The following PROSER1 variants were observed in gnomAD, a reference collection of about 807,000 sequenced individuals.
PROSER1 encodes the protein proline and serine rich 1.
A neutral mutation model predicts 71.8 loss-of-function variants in PROSER1; 36 were observed. The ratio of observed to expected loss-of-function variants is 0.50; its 90% CI spans 0.38 to 0.66. PROSER1 has a LOEUF of 0.66. Ranked by LOEUF, PROSER1 falls within the 30% of genes least tolerant of loss-of-function variation. The probability of loss-of-function intolerance (pLI) is 0.00; values close to 1 mark genes in which losing one functional copy is unlikely to be tolerated. For missense variants in PROSER1, 1,107 were observed against 1,135.0 expected (o/e 0.98, Z 0.35); for synonymous variants, 490 against 452.4 (o/e 1.08, Z -1.06).
chr13:39,023,353 G>A, intron 7 of PROSER1: 1 of 447,830 alleles, frequency 2.2e-6, no homozygotes, highest in Non-Finnish European at 4.0e-6. Context: ...CATAGAGGTG[G>A]CCAGAGATTT....
At chr13:39,017,708 C>A in intron 9 of PROSER1, 164 bp from the exon 10 acceptor site, 1 of 544,788 alleles carries the variant, frequency 1.8e-6, no homozygotes, top group Non-Finnish European at 3.2e-6. Context: ...ATAGTAGTAA[C>A]TCTACTATTA....
At chr13:39,024,109 C>T (rs149586125) in intron 7 of PROSER1, among the ~76,000 whole-genome samples, 121 of 152,262 alleles carry the variant, frequency 7.9e-4, no homozygotes, top group African/African-American at 2.6e-3. Context: ...TAATCACTAT[C>T]TTGTAAATAC....
intron 1 of PROSER1, 101 bp downstream of exon 1, chr13:39,037,097 C>G (rs1470820001): frequency 1.1e-6 from 1 of 891,750 alleles, no homozygotes; most frequent in African/African-American, 1.6e-5. Context: ...TTTGGCAATC[C>G]TAGGACCCTT....
At chr13:39,023,169 C>T in intron 7 of PROSER1, 39 bp from the exon 8 acceptor site, 2 of 1,495,062 alleles carry the variant, frequency 1.3e-6, no homozygotes, top group African/African-American at 1.4e-5. Context: ...AGAAGAAAAT[C>T]AAGTAAGCTG....
chr13:39,019,906 T>A (rs550623586), intron 9 of PROSER1, among the ~76,000 whole-genome samples: 1 of 151,682 alleles, frequency 6.6e-6, no homozygotes, highest in East Asian at 1.9e-4. Context: ...AATAAAATCA[T>A]AGGGGAAAAA....
At chr13:39,024,672 G>T in intron 6 of PROSER1, 116 bp from the exon 7 acceptor site, 1 of 720,922 alleles carries the variant, frequency 1.4e-6, no homozygotes, top group Non-Finnish European at 2.3e-6. Context: ...AGAGTGTAAA[G>T]ACTTGCATTC....
chr13:39,015,001 G>A lies in PROSER1; in HGVS notation c.776-525C>T, dbSNP rs146957545. Reference sequence around the variant, plus strand: ...GATTGTTCATCTGTACAGTTGCCCCGCCCCACCCCCATACATTTGCTCATA... The same window carrying A: ...GATTGTTCATCTGTACAGTTGCCCCACCCCACCCCCATACATTTGCTCATA... On this transcript the variant is annotated intron_variant, in intron 10 of 12. Transcript: ENST00000352251. Among the ~76,000 whole-genome samples the A allele has an allele frequency of 9.2e-3, 1,401 of 151,928 alleles. 15 individuals are homozygous for A. The highest frequency in any genetic ancestry group is 0.071 in the Middle Eastern group (21 of 294).
At position 39,026,387 on chromosome 13, in the gene PROSER1, C is replaced by T. The variant is rs903191493; in HGVS notation, c.370G>A (p.Ala124Thr). The change falls in exon 6 of 13, where the codon GCT becomes ACT. Residue 124 changes from alanine (A) to threonine (T), a missense_variant and splice_region_variant. Ala to Thr is a moderately conservative substitution (Grantham distance 58). Transcript: ENST00000352251. ...GGAGCTTTGCAGCCCCCCTTGAAAG[C>T]CTGTAATATAAGAAAGAAGAGGGGT... is the stretch of plus-strand genomic sequence containing the variant. ...KKRCKRILEQ[A>T]FKGGCKAPHA... The T allele has an allele frequency of 3.8e-6, 6 of 1,597,730 alleles. No homozygotes were observed. The highest frequency in any genetic ancestry group is 5.1e-6 in the Non-Finnish European group (6 of 1,171,190).
intron 8 of PROSER1, 70 bp downstream of exon 8, chr13:39,022,982 G>C (rs1290275294): frequency 1.5e-6 from 2 of 1,310,564 alleles, no homozygotes; most frequent in African/African-American, 1.5e-5. Flanking sequence ...ACATAGACCA[G>C]CATTTACTTT....
In PROSER1 at chr13:39,013,832, C is replaced by A. The variant is rs1869842621; in HGVS notation, c.1420G>T (p.Gly474Cys). 1 of 1,614,172 alleles carries A rather than the reference C, an allele frequency of 6.2e-7. No individual in the cohort carries two copies. The highest frequency in any genetic ancestry group is 1.1e-5 in the South Asian group (1 of 91,084). Reference protein sequence around the residue: ...VNSPLLSALKGFLTSNDTNLI... With the variant: ...VNSPLLSALKCFLTSNDTNLI... The stretch of plus-strand genomic sequence containing the variant: ...TTGGTGTCATTGGATGTCAGAAAAC[C>A]TTTTAACGCAGACAAAAGAGGACTG... Residue 474 changes from glycine (G) to cysteine (C), a missense_variant, in exon 11 of 13, where the codon GGT becomes TGT. Physicochemically the swap from Gly to Cys is radical, Grantham distance 159. Coordinates refer to ENST00000352251, the MANE Select transcript of PROSER1 (RefSeq NM_025138.5).
intron 9 of PROSER1, 156 bp from the exon 10 acceptor site, chr13:39,017,700 A>C (rs995487147): frequency 9.0e-6 from 5 of 553,026 alleles, no homozygotes; most frequent in Non-Finnish European, 1.3e-5. Flanking sequence ...AAATAAAAAT[A>C]GTAGTAACTC....
Position 39,013,440 on chromosome 13 carries a change from A to AG in PROSER1, c.1811dup (p.Val605CysfsTer6), listed in dbSNP as rs755920525. On this transcript the variant is annotated frameshift_variant, in exon 11 of 13. Transcript: ENST00000352251. LOFTEE classifies it high-confidence loss of function. ...TTGTGGGCTCAGTTTTGATCATAAC[A>AG]GGAAGAGTTGTTGCAGCAGGGGTAG... is the stretch of plus-strand genomic sequence containing the variant. 1 of 1,614,030 alleles carries AG rather than the reference A, an allele frequency of 6.2e-7. No individual in the cohort carries two copies. The highest frequency in any genetic ancestry group is 1.3e-5 in the African/African-American group (1 of 74,914).
chr13:39,026,878 A>C, intron 5 of PROSER1, among the ~76,000 whole-genome samples: 1 of 152,168 alleles, frequency 6.6e-6, no homozygotes, highest in Non-Finnish European at 1.5e-5. Context: ...AACTTAGACA[A>C]TGTTCAACAT....
chr13:39,018,515 C>CACA (rs1344187233), intron 9 of PROSER1, among the ~76,000 whole-genome samples: 4 of 150,922 alleles, frequency 2.7e-5, no homozygotes, highest in Non-Finnish European at 5.9e-5. Flanking sequence ...CACACACACA[C>CACA]ACTACTGGGA....
In PROSER1 at chr13:39,013,374, C is replaced by A. The variant is rs748900317; in HGVS notation, c.1878G>T (p.Gly626=). 3.7e-6 allele frequency: 6 copies of A among 1,614,110 alleles called. No individual in the cohort carries two copies. The highest frequency in any genetic ancestry group is 5.1e-6 in the Non-Finnish European group (6 of 1,180,038). Residue 626 remains glycine (G), a synonymous_variant, in exon 11 of 13, where the codon GGG becomes GGT. Coordinates refer to ENST00000352251, the MANE Select transcript of PROSER1 (RefSeq NM_025138.5). ...AACCTAAAGTGCCATGAGAGGGATT[C>A]CCAGAATGAGATGGACCTTTGAAGG... The part of the protein sequence containing the change: ...PSAFKGPSHS[G]NPSHGTLGLS...
intron 3 of PROSER1, 68 bp downstream of exon 3, chr13:39,031,495 T>G: frequency 8.7e-7 from 1 of 1,143,786 alleles, no homozygotes. Context: ...CTGAAATAAA[T>G]TACACACAAC....
chr13:39,011,058 A>G lies in PROSER1; in HGVS notation c.*307T>C, dbSNP rs77113641. 3.9e-6 allele frequency: 1 copy of G among 258,796 alleles called. No individual in the cohort carries two copies. Among genetic ancestry groups the G allele is most frequent in the South Asian group, 5.1e-5 (1 of 19,704 alleles). The allele number at this position is 258,796 out of a possible 1,614,324, so 16.0% of individuals were successfully genotyped here. A position where few individuals can be genotyped will look rare whatever the true frequency, so the allele number is the denominator to read the frequency against. On this transcript the variant is annotated 3_prime_UTR_variant, in exon 13 of 13. Transcript: ENST00000352251. Reference sequence around the variant, plus strand: ...GCTGTATTCGGCTATAAAGAGTTCAACCTACTCTTTAATATTCTTTCTATG... The same window carrying G: ...GCTGTATTCGGCTATAAAGAGTTCAGCCTACTCTTTAATATTCTTTCTATG...
intron 1 of PROSER1, among the ~76,000 whole-genome samples, chr13:39,036,734 C>G (rs1212284370): frequency 1.3e-5 from 2 of 152,134 alleles, no homozygotes; most frequent in Admixed American, 1.3e-4. Context: ...CATCAGGACA[C>G]GAATTTTGCA....
At chr13:39,022,195 C>A (rs1870322416) in intron 9 of PROSER1, 131 bp downstream of exon 9, 1 of 668,420 alleles carries the variant, frequency 1.5e-6, no homozygotes, top group East Asian at 2.6e-5. Context: ...ACCAAGGATT[C>A]ACTTCCAGAT....
Sources: allele counts gnomAD v4.1 joint callset (sites outside exome capture counted in the v4.1 genomes callset), GRCh38; gene constraint gnomAD v4.1.1; transcripts MANE v1.5; gene names NCBI Gene and HGNC (gene_info 2026-07-23, HGNC 2026-07-21).